SPIDR: variants seen among roughly 807,000 people sequenced by gnomAD.
SPIDR encodes the protein scaffold protein involved in DNA repair.
SPIDR carries 93 observed loss-of-function variants against 104.6 expected under a neutral mutation model. The observed-to-expected ratio is 0.89, with a 90% CI of 0.75 to 1.06. The LOEUF is 1.06. SPIDR is among the 50% of genes least tolerant of loss of function. The pLI is 0.00. For synonymous variants in SPIDR, 431 were observed against 416.9 expected (o/e 1.03, Z -0.41); for missense variants, 1,154 against 1,111.2 (o/e 1.04, Z -0.55).
intron 5 of SPIDR, among the ~76,000 whole-genome samples, chr8:47,338,570 A>C (rs1207311214): frequency 6.6e-6 from 1 of 152,208 alleles, no homozygotes; most frequent in East Asian, 1.9e-4. Flanking sequence ...TTAGGAAATC[A>C]GCCAGGAAAA....
intron 10 of SPIDR, among the ~76,000 whole-genome samples, chr8:47,600,038 G>A (rs746184430): frequency 5.9e-5 from 9 of 152,124 alleles, no homozygotes; most frequent in African/African-American, 1.2e-4. Context: ...TATTACTGGC[G>A]TGAGCCACCA....
At chr8:47,637,681 G>A (rs551521929) in intron 10 of SPIDR, among the ~76,000 whole-genome samples, 1 of 152,208 alleles carries the variant, frequency 6.6e-6, no homozygotes, top group South Asian at 2.1e-4. Context: ...ATAAAGTACA[G>A]TTTTCATCAT....
chr8:47,389,408 G>A (rs935068317), intron 5 of SPIDR, among the ~76,000 whole-genome samples: 2 of 152,048 alleles, frequency 1.3e-5, no homozygotes, highest in African/African-American at 4.8e-5. Flanking sequence ...AAAAGTTTCC[G>A]GCCGGGCACG....
intron 11 of SPIDR, among the ~76,000 whole-genome samples, chr8:47,675,617 C>G (rs1467866995): frequency 6.6e-6 from 1 of 152,054 alleles, no homozygotes; most frequent in Non-Finnish European, 1.5e-5. Flanking sequence ...TTGAGACCAG[C>G]CTAGCCAACA....
chr8:47,661,747 A>G (rs1370047831), intron 10 of SPIDR, among the ~76,000 whole-genome samples: 2 of 152,210 alleles, frequency 1.3e-5, no homozygotes, highest in Admixed American at 6.5e-5. Flanking sequence ...TAGATACACA[A>G]AGATTTAACG....
chr8:47,662,724 G>C (rs1477622174), intron 10 of SPIDR, among the ~76,000 whole-genome samples: 1 of 152,090 alleles, frequency 6.6e-6, no homozygotes, highest in Non-Finnish European at 1.5e-5. Flanking sequence ...TTCTCCTATT[G>C]CTATGGTCTG....
intron 10 of SPIDR, among the ~76,000 whole-genome samples, chr8:47,618,007 T>TA (rs1417927846): frequency 1.3e-5 from 2 of 152,216 alleles, no homozygotes; most frequent in African/African-American, 4.8e-5. Context: ...CGCTATGTTC[T>TA]AATAGATTTC....
At chr8:47,501,993 C>T (rs1306957647) in intron 8 of SPIDR, among the ~76,000 whole-genome samples, 2 of 152,154 alleles carry the variant, frequency 1.3e-5, no homozygotes, top group African/African-American at 4.8e-5. Context: ...AGGGATGAAG[C>T]CCACTTGATC....
chr8:47,320,509 A>C (rs1406231048), intron 5 of SPIDR, among the ~76,000 whole-genome samples: 1 of 152,226 alleles, frequency 6.6e-6, no homozygotes, highest in African/African-American at 2.4e-5. Flanking sequence ...GCCGAATTCT[A>C]CCAGAGGTAC....
At chr8:47,564,860 G>A (rs1427584811) in intron 8 of SPIDR, among the ~76,000 whole-genome samples, 1 of 152,052 alleles carries the variant, frequency 6.6e-6, no homozygotes, top group Non-Finnish European at 1.5e-5. Context: ...TTCAACTTGA[G>A]CTTATTATTT....
intron 5 of SPIDR, among the ~76,000 whole-genome samples, chr8:47,378,295 T>C (rs991012104): frequency 6.6e-6 from 1 of 152,188 alleles, no homozygotes; most frequent in Non-Finnish European, 1.5e-5. Context: ...AGACTATCTT[T>C]TCACTATTGA....
At chr8:47,564,021 A>G (rs1296684622) in intron 8 of SPIDR, among the ~76,000 whole-genome samples, 1 of 111,372 alleles carries the variant, frequency 9.0e-6, no homozygotes, top group Non-Finnish European at 2.0e-5. Context: ...CTTAGCCATT[A>G]TTTAGTCCCT....
At chr8:47,680,165 CTTT>C (rs2076923821) in intron 11 of SPIDR, among the ~76,000 whole-genome samples, 1 of 152,166 alleles carries the variant, frequency 6.6e-6, no homozygotes. Context: ...GGTGAAAGCA[CTTT>C]ATCACGGATG....
chr8:47,662,998 A>G (rs1437144048), intron 10 of SPIDR, among the ~76,000 whole-genome samples: 1 of 152,176 alleles, frequency 6.6e-6, no homozygotes, highest in African/African-American at 2.4e-5. Context: ...TGACCCACCC[A>G]GTCTGTGGTA....
chr8:47,543,009 A>G (rs986760907), intron 8 of SPIDR, among the ~76,000 whole-genome samples: 1 of 152,208 alleles, frequency 6.6e-6, no homozygotes, highest in Admixed American at 6.5e-5. Flanking sequence ...CAGTTGTTGC[A>G]TGTATAAGTA....
chr8:47,421,252 A>G (rs1412886292), intron 7 of SPIDR, among the ~76,000 whole-genome samples: 1 of 152,232 alleles, frequency 6.6e-6, no homozygotes, highest in East Asian at 1.9e-4. Context: ...TACACCAATC[A>G]GACGTAGATT....
At chr8:47,462,296 A>G (rs758933333) in intron 8 of SPIDR, among the ~76,000 whole-genome samples, 39 of 152,142 alleles carry the variant, frequency 2.6e-4, no homozygotes, top group Non-Finnish European at 4.3e-4. Flanking sequence ...CAACGATACC[A>G]ACACAGTATT....
intron 5 of SPIDR, among the ~76,000 whole-genome samples, chr8:47,368,737 A>G (rs1193959287): frequency 6.6e-6 from 1 of 152,236 alleles, no homozygotes; most frequent in East Asian, 1.9e-4. Flanking sequence ...TGTAAAACAT[A>G]CATGCAATAT....
Position 47,504,422 on chromosome 8 carries a change from C to G in SPIDR, c.1097+63880C>G, listed in dbSNP as rs1373306842. On this transcript the variant is annotated intron_variant, in intron 8 of 19. Transcript: ENST00000297423. ...ACTGATACCCTTTCTTCTAGTTGAT[C>G]GAATCGGCTACTGAGGCTTGTGCAT... 3.3e-5 allele frequency among the ~76,000 whole-genome samples: 5 copies of G among 152,144 alleles called. No homozygotes were observed. The East Asian group carries it at 9.7e-4, about 29-fold the overall frequency.
Sources: gnomAD v4.1 joint callset for allele counts (sites outside exome capture counted in the v4.1 genomes callset) on GRCh38, gnomAD v4.1.1 for gene constraint, MANE v1.5 for transcripts, NCBI Gene and HGNC (gene_info 2026-07-23, HGNC 2026-07-21) for gene names.